Variants in TRAPPC9 observed in about 807,000 individuals in gnomAD.
TRAPPC9 encodes the protein trafficking protein particle complex subunit 9, also known as IKK2 binding protein.
A neutral mutation model predicts 124.0 loss-of-function variants in TRAPPC9; 83 were observed. The ratio of observed to expected loss-of-function variants is 0.67; its 90% CI spans 0.56 to 0.80. The LOEUF (loss-of-function observed/expected upper bound fraction) is 0.80. TRAPPC9 is among the 30% of genes least tolerant of loss of function. The pLI, the probability that TRAPPC9 is intolerant of heterozygous loss-of-function variation, is 0.00. For missense variants in TRAPPC9, 1,302 were observed against 1,508.3 expected, an observed-to-expected ratio of 0.86 and a Z score of 2.27; for synonymous variants, 638 against 617.5, an observed-to-expected ratio of 1.03 and a Z score of -0.49.
chr8:140,080,212 T>A (rs1172071791), intron 17 of TRAPPC9, among the ~76,000 whole-genome samples: 1 of 152,164 alleles, frequency 6.6e-6, no homozygotes, highest in Non-Finnish European at 1.5e-5. Flanking sequence ...TCTGTAATAG[T>A]TCTCCCTGTA....
intron 19 of TRAPPC9, among the ~76,000 whole-genome samples, chr8:139,960,432 C>T (rs1294111446): frequency 6.6e-6 from 1 of 152,200 alleles, no homozygotes; most frequent in Non-Finnish European, 1.5e-5. Context: ...AGCCCTCTCC[C>T]TCTGTACCTG....
intron 21 of TRAPPC9, among the ~76,000 whole-genome samples, chr8:139,757,573 A>G (rs1819936914): frequency 6.6e-6 from 1 of 151,996 alleles, no homozygotes; most frequent in Non-Finnish European, 1.5e-5. Flanking sequence ...CGTGGGTATT[A>G]GGATGGCATG....
At chr8:140,381,020 C>T (rs1230695154) in intron 7 of TRAPPC9, among the ~76,000 whole-genome samples, 1 of 151,838 alleles carries the variant, frequency 6.6e-6, no homozygotes, top group Non-Finnish European at 1.5e-5. Context: ...GCCTGGCCAA[C>T]ATTATGAAAC....
At chr8:140,059,636 A>C (rs1842481178) in intron 17 of TRAPPC9, among the ~76,000 whole-genome samples, 1 of 152,206 alleles carries the variant, frequency 6.6e-6, no homozygotes, top group Non-Finnish European at 1.5e-5. Flanking sequence ...AGGAGTGTCT[A>C]ATCGTGGTTT....
At chr8:140,159,622 G>A (rs1267180485) in intron 17 of TRAPPC9, among the ~76,000 whole-genome samples, 2 of 152,176 alleles carry the variant, frequency 1.3e-5, no homozygotes, top group African/African-American at 4.8e-5. Flanking sequence ...GCTAAAGTAA[G>A]GAAGGAAGTC....
intron 17 of TRAPPC9, among the ~76,000 whole-genome samples, chr8:140,060,968 C>T (rs1040987664): frequency 6.6e-6 from 1 of 152,220 alleles, no homozygotes; most frequent in Non-Finnish European, 1.5e-5. Flanking sequence ...AATGAGGGAT[C>T]TAACATTACA....
intron 21 of TRAPPC9, among the ~76,000 whole-genome samples, chr8:139,791,214 C>T (rs1292181873): frequency 4.6e-5 from 7 of 152,144 alleles, no homozygotes; most frequent in Admixed American, 4.6e-4. Flanking sequence ...TGGCCAGCTT[C>T]GGGCAACTGT....
intron 5 of TRAPPC9, among the ~76,000 whole-genome samples, chr8:140,423,907 G>A (rs2070330174): frequency 6.6e-6 from 1 of 152,132 alleles, no homozygotes; most frequent in South Asian, 2.1e-4. Context: ...CCATTTATAT[G>A]AGATGTCCAG....
chr8:139,794,066 C>T (rs1439117235), intron 21 of TRAPPC9, among the ~76,000 whole-genome samples: 2 of 152,130 alleles, frequency 1.3e-5, no homozygotes, highest in Admixed American at 6.5e-5. Flanking sequence ...GACCCCCTTC[C>T]TGCCCCACTA....
intron 17 of TRAPPC9, among the ~76,000 whole-genome samples, chr8:140,042,348 A>T (rs1282891564): frequency 6.6e-6 from 1 of 152,212 alleles, no homozygotes; most frequent in African/African-American, 2.4e-5. Context: ...GTTGGGGAAA[A>T]TACTAACAAA....
intron 7 of TRAPPC9, among the ~76,000 whole-genome samples, chr8:140,381,723 C>T (rs752055770): frequency 8.7e-5 from 13 of 149,170 alleles, no homozygotes; most frequent in Admixed American, 2.0e-4. Context: ...CAGCATCAGC[C>T]ATGAGGGAAA....
intron 17 of TRAPPC9, among the ~76,000 whole-genome samples, chr8:140,026,229 T>C (rs575396877): frequency 1.3e-5 from 2 of 152,350 alleles, no homozygotes; most frequent in African/African-American, 4.8e-5. Context: ...TACTGTGTCT[T>C]ACTCATCCAT....
intron 16 of TRAPPC9, among the ~76,000 whole-genome samples, chr8:140,249,445 G>T (rs1386937933): frequency 1.3e-5 from 2 of 151,904 alleles, no homozygotes; most frequent in Non-Finnish European, 1.5e-5. Flanking sequence ...GGCCACTTAG[G>T]TCGATTCCAC....
At chr8:140,123,365 A>T (rs2061023076) in intron 17 of TRAPPC9, among the ~76,000 whole-genome samples, 2 of 151,066 alleles carry the variant, frequency 1.3e-5, no homozygotes, top group Admixed American at 6.6e-5. Context: ...CTGCTGAAAA[A>T]CCCTTCCCTG....
chr8:139,770,825 G>A (rs1820905456), intron 21 of TRAPPC9, among the ~76,000 whole-genome samples: 1 of 152,210 alleles, frequency 6.6e-6, no homozygotes. Flanking sequence ...CCAGAAGACA[G>A]TAGTGCAGGA....
rs188717765 is a variant in TRAPPC9, at chr8:140,300,184, C to T, written c.1768+285G>A. On this transcript the variant is annotated intron_variant, in intron 11 of 22. Coordinates refer to ENST00000438773, the MANE Select transcript of TRAPPC9 (RefSeq NM_001160372.4). ...CAGACTGCACACACGCACACACACG[C>T]ACACATCTGTGCACACATCCACACA... Among the ~76,000 whole-genome samples, 385 of 152,324 alleles carry T rather than the reference C, an allele frequency of 2.5e-3. 2 individuals are homozygous for T. Among genetic ancestry groups the T allele is most frequent in the African/African-American group, 8.9e-3 (370 of 41,566 alleles).
At chr8:139,763,492 G>A (rs1301563055) in intron 21 of TRAPPC9, among the ~76,000 whole-genome samples, 1 of 146,698 alleles carries the variant, frequency 6.8e-6, no homozygotes, top group Non-Finnish European at 1.5e-5. Context: ...TATTCACTGA[G>A]CAGTCACCAC....
At chr8:139,798,212 T>C (rs541941348) in intron 21 of TRAPPC9, among the ~76,000 whole-genome samples, 64 of 152,258 alleles carry the variant, frequency 4.2e-4, no homozygotes, top group Non-Finnish European at 8.4e-4. Context: ...TCAGTGTACA[T>C]GCTATGCTCT....
intron 17 of TRAPPC9, among the ~76,000 whole-genome samples, chr8:140,068,157 C>T (rs192718992): frequency 5.3e-5 from 8 of 152,218 alleles, no homozygotes; most frequent in South Asian, 2.1e-4. Flanking sequence ...TTCACCCTCA[C>T]GGCCCCAGTG....
Sources: gnomAD v4.1 joint callset for allele counts (sites outside exome capture counted in the v4.1 genomes callset) on GRCh38, gnomAD v4.1.1 for gene constraint, MANE v1.5 for transcripts, NCBI Gene and HGNC (gene_info 2026-07-23, HGNC 2026-07-21) for gene names.